DCT: variants seen among roughly 807,000 people sequenced by gnomAD.
DCT encodes the protein L-dopachrome tautomerase.
In DCT, 47 loss-of-function variants were observed where a neutral mutation model predicts 53.0. The observed-to-expected ratio is 0.89, with a 90% confidence interval of 0.70 to 1.13. The LOEUF (loss-of-function observed/expected upper bound fraction) is 1.13. Among genes scored for constraint, DCT ranks in the 50% most tolerant of loss-of-function variants. DCT has a pLI of 0.00. For synonymous variants in DCT, 244 were observed against 237.0 expected, an observed-to-expected ratio of 1.03 and a Z score of -0.27; for missense variants, 669 against 637.4, an observed-to-expected ratio of 1.05 and a Z score of -0.53.
chr13:94,511,921 T>C, the DCT span, among the ~76,000 whole-genome samples: 2 of 151,638 alleles, frequency 1.3e-5, no homozygotes, highest in African/African-American at 2.4e-5. Context: ...TGGAGAGCAA[T>C]GGTGCAATCA....
chr13:94,478,165 C>G lies in DCT; in HGVS notation c.295+796G>C, dbSNP rs1464347390. ...ATAACAACCCCCCGCCCGCCCCCCC[C>G]ACCCCCAGCTCCTCGAGAAAGCTCT... On this transcript the variant is annotated intron_variant, in intron 1 of 7. Transcript: ENST00000377028. 3.8e-3 allele frequency among the ~76,000 whole-genome samples: 527 copies of G among 138,236 alleles called. 2 individuals are homozygous for G. The highest frequency in any genetic ancestry group is 7.8e-3 in the Admixed American group (109 of 13,946). The allele number at this position is 138,236 out of a possible 152,430, so 90.7% of individuals were successfully genotyped here. A position where few individuals can be genotyped will look rare whatever the true frequency, so the allele number is the denominator to read the frequency against.
At chr13:94,528,419 C>T in the DCT span, among the ~76,000 whole-genome samples, 3 of 152,092 alleles carry the variant, frequency 2.0e-5, no homozygotes, top group Non-Finnish European at 4.4e-5. Context: ...AAAGGGAAGC[C>T]CATCAGACTA....
chr13:94,488,198 G>A, the DCT span, among the ~76,000 whole-genome samples: 2 of 152,102 alleles, frequency 1.3e-5, no homozygotes, highest in East Asian at 3.9e-4. Flanking sequence ...ACTGATTTGG[G>A]TAAGCAATAG....
At chr13:94,455,721 T>C (rs967725383) in intron 6 of DCT, among the ~76,000 whole-genome samples, 1 of 152,170 alleles carries the variant, frequency 6.6e-6, no homozygotes, top group Non-Finnish European at 1.5e-5. Flanking sequence ...AAGAAGGAGA[T>C]ACGGTTTAGC....
the DCT span, among the ~76,000 whole-genome samples, chr13:94,534,962 C>G: frequency 6.6e-6 from 1 of 152,334 alleles, no homozygotes; most frequent in South Asian, 2.1e-4. Context: ...AGGCTGGTCT[C>G]AAACTCCTGG....
chr13:94,439,910 T>C lies in DCT; in HGVS notation c.1548A>G (p.Thr516=). 6.2e-7 allele frequency: 1 copy of C among 1,613,404 alleles called. No homozygotes were observed. The highest frequency in any genetic ancestry group is 8.5e-7 in the Non-Finnish European group (1 of 1,179,718). Residue 516 remains threonine (T), a synonymous_variant, in exon 8 of 8, where the codon ACA becomes ACG. Transcript: ENST00000377028. ...METHLSSKRY[T]EEA Reference sequence around the variant, plus strand: ...AGGCATGAGCACCCTAGGCTTCTTCTGTGTATCTCTTGCTGCTTAAATGTG... The same window carrying C: ...AGGCATGAGCACCCTAGGCTTCTTCCGTGTATCTCTTGCTGCTTAAATGTG...
rs911333316 is a variant in DCT, at chr13:94,452,780, C to T, written c.1179+7311G>A. On this transcript the variant is annotated intron_variant, in intron 6 of 7. Transcript: ENST00000377028. Reference sequence around the variant, plus strand: ...CAGCTATAAAAAAAGAATAAGAATGCCCTTCAGAACTGAAATGATTTGGAA... The same window carrying T: ...CAGCTATAAAAAAAGAATAAGAATGTCCTTCAGAACTGAAATGATTTGGAA... 1.4e-5 allele frequency: 7 copies of T among 506,080 alleles called. No individual in the cohort carries two copies. The Admixed American group carries it at 2.0e-4, about 15-fold the overall frequency. 31.3% of individuals were successfully genotyped at this position (506,080 alleles called of 1,614,324 possible).
At chr13:94,496,395 T>C in the DCT span, among the ~76,000 whole-genome samples, 5 of 152,218 alleles carry the variant, frequency 3.3e-5, no homozygotes, top group East Asian at 7.7e-4. Flanking sequence ...GATTTCACCA[T>C]GTTGGCCAGG....
At chr13:94,538,894 C>T in the DCT span, among the ~76,000 whole-genome samples, 1 of 152,154 alleles carries the variant, frequency 6.6e-6, no homozygotes, top group Non-Finnish European at 1.5e-5. Flanking sequence ...CGGTTTGGCT[C>T]TCCCTGTTGT....
chr13:94,507,283 G>T, the DCT span, among the ~76,000 whole-genome samples: 2 of 152,154 alleles, frequency 1.3e-5, no homozygotes, highest in East Asian at 3.8e-4. Context: ...AAAAAGTAAA[G>T]AGAAAGTCTC....
intron 2 of DCT, chr13:94,467,627 C>T (rs2079803997): frequency 6.6e-6 from 1 of 152,192 alleles, no homozygotes; most frequent in Non-Finnish European, 1.5e-5. Context: ...AAGACTCACA[C>T]TGAGAAAAGC....
At chr13:94,454,245 C>G (rs1883272597) in intron 6 of DCT, among the ~76,000 whole-genome samples, 1 of 152,098 alleles carries the variant, frequency 6.6e-6, no homozygotes, top group African/African-American at 2.4e-5. Context: ...AATTATGGAA[C>G]CTATGGACCC....
the DCT span, among the ~76,000 whole-genome samples, chr13:94,504,580 G>A: frequency 0.013 from 1,925 of 152,198 alleles, 47 homozygotes; most frequent in African/African-American, 0.044. Flanking sequence ...TGTTGGCCAG[G>A]CTGGTCTCGA....
chr13:94,465,770 C>A lies in DCT; in HGVS notation c.726G>T (p.Leu242Phe). Reference sequence around the variant, plus strand: ...TCCCAGTGGCAAAGTTCCAGTAGGGCAAAGCAAAAGACTCATTGCCAATGA... The same window carrying A: ...TCCCAGTGGCAAAGTTCCAGTAGGGAAAAGCAAAAGACTCATTGCCAATGA... ...QRLIGNESFA[L>F]PYWNFATGRN... is the part of the protein sequence containing the mutation. The change falls in exon 4 of 8, where the codon TTG (leucine) becomes TTT (phenylalanine). Residue 242 changes from leucine to phenylalanine, a missense_variant. Physicochemically the swap from Leu to Phe is conservative, Grantham distance 22. Coordinates refer to ENST00000377028, the MANE Select transcript of DCT (RefSeq NM_001922.5). 3.1e-6 allele frequency: 5 copies of A among 1,611,284 alleles called. No homozygotes were observed. Among genetic ancestry groups the A allele is most frequent in the Non-Finnish European group, 4.2e-6 (5 of 1,178,738 alleles).
the DCT span, among the ~76,000 whole-genome samples, chr13:94,542,469 G>A: frequency 6.6e-6 from 1 of 152,170 alleles, no homozygotes; most frequent in Non-Finnish European, 1.5e-5. Context: ...GGGATTACAG[G>A]TGTAAGGGAT....
the DCT span, among the ~76,000 whole-genome samples, chr13:94,486,946 AAC>A: frequency 6.6e-6 from 1 of 152,246 alleles, no homozygotes; most frequent in Non-Finnish European, 1.5e-5. Flanking sequence ...AAAGGTAACA[AAC>A]ACACAGCCAA....
At chr13:94,463,105 A>G (rs1227492336) in intron 4 of DCT, among the ~76,000 whole-genome samples, 1 of 152,114 alleles carries the variant, frequency 6.6e-6, no homozygotes, top group Non-Finnish European at 1.5e-5. Context: ...TTCCAACATC[A>G]GAATAGTATT....
the DCT span, among the ~76,000 whole-genome samples, chr13:94,517,201 G>A: frequency 6.6e-6 from 1 of 151,996 alleles, no homozygotes; most frequent in Non-Finnish European, 1.5e-5. Context: ...CAACAACATC[G>A]TTTCATTTCT....
At chr13:94,519,957 A>C in the DCT span, among the ~76,000 whole-genome samples, 4 of 152,328 alleles carry the variant, frequency 2.6e-5, no homozygotes, top group East Asian at 7.7e-4. Context: ...CATCTAATAG[A>C]ATCTTTAAGT....
Sources: gnomAD v4.1 joint callset for allele counts (sites outside exome capture counted in the v4.1 genomes callset) on GRCh38, gnomAD v4.1.1 for gene constraint, MANE v1.5 for transcripts, NCBI Gene and HGNC (gene_info 2026-07-23, HGNC 2026-07-21) for gene names.